Variants in TNFRSF19 observed in about 807,000 individuals in gnomAD.
TNFRSF19 encodes TNF receptor superfamily member 19, also known as tumor necrosis factor receptor superfamily member 19.
TNFRSF19 carries 27 observed loss-of-function variants against 46.4 expected under a neutral mutation model. The ratio of observed to expected loss-of-function variants is 0.58; its 90% CI spans 0.43 to 0.80. TNFRSF19 has a LOEUF of 0.80. Ranked by LOEUF, TNFRSF19 falls within the 30% of genes least tolerant of loss-of-function variation. The pLI is 0.00. For missense variants in TNFRSF19, 511 were observed against 530.8 expected (o/e 0.96, Z 0.37); for synonymous variants, 204 against 205.0 (o/e 1.00, Z 0.04).
chr13:23,669,224 T>G, intron 9 of TNFRSF19, 127 bp downstream of exon 9: 1 of 1,423,800 alleles, frequency 7.0e-7, no homozygotes, highest in Middle Eastern at 2.6e-4. Flanking sequence ...ATTTCTTGTA[T>G]GTTGTAGAGT....
At chr13:23,638,462 G>A (rs931952925) in intron 5 of TNFRSF19, among the ~76,000 whole-genome samples, 1 of 152,154 alleles carries the variant, frequency 6.6e-6, no homozygotes, top group Non-Finnish European at 1.5e-5. Flanking sequence ...TGCCTGCCTT[G>A]CCAGCCCCTC....
chr13:23,628,012 CAA>C (rs200039237), intron 5 of TNFRSF19, among the ~76,000 whole-genome samples: 5,447 of 152,258 alleles, frequency 0.036, 136 homozygotes, highest in African/African-American at 0.064. Flanking sequence ...TTGCAAATAA[CAA>C]ATGCAATATT....
At chr13:23,613,407 C>G (rs1881037739) in intron 3 of TNFRSF19, among the ~76,000 whole-genome samples, 1 of 152,216 alleles carries the variant, frequency 6.6e-6, no homozygotes, top group South Asian at 2.1e-4. Flanking sequence ...ACTCATGTCT[C>G]TTTAGATCCA....
intron 3 of TNFRSF19, among the ~76,000 whole-genome samples, chr13:23,601,766 A>C (rs370249229): frequency 8.5e-5 from 13 of 152,300 alleles, no homozygotes; most frequent in African/African-American, 3.1e-4. Flanking sequence ...AGGTATTCAC[A>C]CTATCTGTGA....
rs139506974 is a variant in TNFRSF19, at chr13:23,599,380, C to T, written c.180+5925C>T. ...TTTATTCTGAGCCAAAAATGTGTGA[C>T]CAGTGGCCCATGACACAGCCCTCGA... On this transcript the variant is annotated intron_variant, in intron 3 of 9. Coordinates refer to ENST00000248484, the MANE Select transcript of TNFRSF19 (RefSeq NM_148957.4). Among the ~76,000 whole-genome samples, 35 of 152,248 alleles carry T rather than the reference C, an allele frequency of 2.3e-4. No homozygotes were observed. The East Asian group carries it at 6.7e-3, about 29-fold the overall frequency.
In TNFRSF19 at chr13:23,654,887, G is replaced by A. The variant is rs143327917; in HGVS notation, c.446-4163G>A. Among the ~76,000 whole-genome samples the A allele has an allele frequency of 6.0e-3, 908 of 152,332 alleles. 5 individuals are homozygous for A. The highest frequency in any genetic ancestry group is 9.8e-3 in the Non-Finnish European group (667 of 68,024). ...AGGCACTGAAGGTGTGTTAGAAGCT[G>A]TGTCTACAGAAGCTAGTGTCCATGT... On this transcript the variant is annotated intron_variant, in intron 5 of 9. Coordinates refer to ENST00000248484, the MANE Select transcript of TNFRSF19 (RefSeq NM_148957.4).
intron 5 of TNFRSF19, among the ~76,000 whole-genome samples, chr13:23,644,409 CT>C (rs1463906730): frequency 6.6e-6 from 1 of 152,176 alleles, no homozygotes; most frequent in African/African-American, 2.4e-5. Flanking sequence ...TTATAAGGGG[CT>C]TTCCCCCCTT....
Position 23,649,543 on chromosome 13 carries a change from A to G in TNFRSF19, c.446-9507A>G, listed in dbSNP as rs371225246. ...TTCTTCCATTATTTTCCTATTCTCT[A>G]TTTCATTGATCTCTGCCCTAGTCCT... On this transcript the variant is annotated intron_variant, in intron 5 of 9. Transcript: ENST00000248484. Among the ~76,000 whole-genome samples the G allele has an allele frequency of 4.0e-5, 6 of 150,962 alleles. No homozygotes were observed. The East Asian group carries it at 1.2e-3, about 29-fold the overall frequency.
chr13:23,584,628 A>G (rs750389411), intron 1 of TNFRSF19, among the ~76,000 whole-genome samples: 17 of 50,650 alleles, frequency 3.4e-4, no homozygotes, highest in Non-Finnish European at 5.8e-4. Context: ...AGTTTTATTT[A>G]AAAAAAAAAA....
intron 7 of TNFRSF19, among the ~76,000 whole-genome samples, chr13:23,665,220 A>G (rs1271992541): frequency 6.6e-6 from 1 of 152,236 alleles, no homozygotes; most frequent in African/African-American, 2.4e-5. Context: ...CTGTTACTAG[A>G]GTCAGAGTAA....
chr13:23,593,265 T>C, intron 2 of TNFRSF19, 80 bp from the exon 3 acceptor site: 1 of 761,556 alleles, frequency 1.3e-6, no homozygotes, highest in South Asian at 1.9e-5. Context: ...GTGACTAATA[T>C]TGAAAATATT....
intron 1 of TNFRSF19, among the ~76,000 whole-genome samples, chr13:23,580,489 A>G (rs1325162768): frequency 6.6e-6 from 1 of 152,276 alleles, no homozygotes; most frequent in Non-Finnish European, 1.5e-5. Flanking sequence ...TTGTCATTTC[A>G]TGATCAGATA....
chr13:23,573,662 T>A (rs545693879), intron 1 of TNFRSF19, among the ~76,000 whole-genome samples: 1 of 152,334 alleles, frequency 6.6e-6, no homozygotes, highest in South Asian at 2.1e-4. Context: ...GTTGACAAAC[T>A]CAATGTGCAT....
At position 23,590,227 on chromosome 13, in the gene TNFRSF19, C is replaced by T. The variant is rs369820179; in HGVS notation, c.44C>T (p.Thr15Ile). The T allele has an allele frequency of 3.8e-6, 6 of 1,591,722 alleles. No homozygotes were observed. Among genetic ancestry groups the T allele is most frequent in the South Asian group, 2.3e-5 (2 of 86,782 alleles). The change falls in exon 2 of 10, where the codon ACT becomes ATT. Residue 15 changes from threonine (T) to isoleucine (I), a missense_variant. This residue lies in a region of TNFRSF19 where 121 missense variants were observed against 124.1 expected (regional missense o/e 0.98). Coordinates refer to ENST00000248484, the MANE Select transcript of TNFRSF19 (RefSeq NM_148957.4). Reference sequence around the variant, plus strand: ...CTAGAACAAGAGAAAACGTTTTTCACTCTTTTAGTATTACTAGGCTATTTG... The same window carrying T: ...CTAGAACAAGAGAAAACGTTTTTCATTCTTTTAGTATTACTAGGCTATTTG... ...VLLEQEKTFF[T>I]LLVLLGYLSC... is the part of the protein sequence containing the mutation.
At chr13:23,593,538 A>G in intron 3 of TNFRSF19, 83 bp downstream of exon 3, 1 of 944,244 alleles carries the variant, frequency 1.1e-6, no homozygotes, top group East Asian at 2.6e-5. Flanking sequence ...TTAATTATTA[A>G]TGAAACTTTG....
At position 23,623,399 on chromosome 13, in the gene TNFRSF19, G is replaced by T. The variant is rs370459175; in HGVS notation, c.360-3308G>T. ...CCTTTTGGCTACTGTGAATAGTGCT[G>T]CAGTGAATACAAGCATGCAAGTATC... On this transcript the variant is annotated intron_variant, in intron 4 of 9. Transcript: ENST00000248484. 1.3e-4 allele frequency among the ~76,000 whole-genome samples: 20 copies of T among 152,278 alleles called. No individual in the cohort carries two copies. The East Asian group carries it at 3.7e-3, about 28-fold the overall frequency.
chr13:23,594,175 C>G (rs943701743), intron 3 of TNFRSF19: 21 of 441,098 alleles, frequency 4.8e-5, no homozygotes, highest in African/African-American at 4.2e-4. Context: ...AACTGGGCAG[C>G]TGTTTGGGCA....
In TNFRSF19 at chr13:23,573,290, C is replaced by A. The variant is rs79446841; in HGVS notation, c.-35+2442C>A. Reference sequence around the variant, plus strand: ...TTGTAGTGCATTTTTTTTTTGTTTCCATGATAGATATGTCAGTCAGCTGGA... The same window carrying A: ...TTGTAGTGCATTTTTTTTTTGTTTCAATGATAGATATGTCAGTCAGCTGGA... On this transcript the variant is annotated intron_variant, in intron 1 of 9. Coordinates refer to ENST00000248484, the MANE Select transcript of TNFRSF19 (RefSeq NM_148957.4). 9.9e-3 allele frequency among the ~76,000 whole-genome samples: 1,496 copies of A among 151,756 alleles called. 37 individuals are homozygous for A. Among genetic ancestry groups the A allele is most frequent in the East Asian group, 0.09 (468 of 5,176 alleles).
intron 1 of TNFRSF19, among the ~76,000 whole-genome samples, chr13:23,575,787 A>C (rs564126671): frequency 6.6e-6 from 1 of 152,306 alleles, no homozygotes; most frequent in African/African-American, 2.4e-5. Context: ...AAATGACTAG[A>C]AGTTAGGCAA....
Sources: allele counts gnomAD v4.1 joint callset (sites outside exome capture counted in the v4.1 genomes callset), GRCh38; gene constraint gnomAD v4.1.1; regional missense constraint gnomAD v4.1.1; transcripts MANE v1.5; gene names NCBI Gene and HGNC (gene_info 2026-07-23, HGNC 2026-07-21).